MFHAS1: variants seen among roughly 807,000 people sequenced by gnomAD.
MFHAS1 encodes the protein malignant fibrous histiocytoma-amplified sequence 1.
MFHAS1 carries 50 observed loss-of-function variants against 70.4 expected under a neutral mutation model. That is an observed-to-expected ratio of 0.71 (90% CI 0.57 to 0.90). The LOEUF (loss-of-function observed/expected upper bound fraction) is 0.90. Among genes scored for constraint, MFHAS1 ranks in the 40% least tolerant of loss-of-function variants. MFHAS1 has a pLI of 0.00. For missense variants in MFHAS1, 1,795 were observed against 1,347.6 expected (o/e 1.33, Z -5.20); for synonymous variants, 952 against 620.0 (o/e 1.54, Z -7.96).
intron 2 of MFHAS1, among the ~76,000 whole-genome samples, chr8:8,793,625 C>G (rs941487753): frequency 6.6e-6 from 1 of 152,250 alleles, no homozygotes; most frequent in African/African-American, 2.4e-5. Flanking sequence ...GATATGTTCA[C>G]CTTACCTGAG....
chr8:8,844,003 G>A (rs796207156), intron 1 of MFHAS1, among the ~76,000 whole-genome samples: 8 of 152,284 alleles, frequency 5.3e-5, no homozygotes, highest in African/African-American at 1.4e-4. Context: ...TGTTCTCTGG[G>A]ACTCTACCTA....
chr8:8,887,961 A>G (rs1809834084), intron 1 of MFHAS1, among the ~76,000 whole-genome samples: 1 of 152,038 alleles, frequency 6.6e-6, no homozygotes, highest in African/African-American at 2.4e-5. Flanking sequence ...TTTGTTGTTA[A>G]TAACATTCGT....
chr8:8,892,625 T>C lies in MFHAS1; in HGVS notation c.434A>G (p.Asn145Ser). ...CTGGGCGGGCAGGGCGGGCAGCTGG[T>C]TGTGGCTGAGGTTGAGCTTCCGCAG... The part of the protein sequence containing the change: ...RELRKLNLSH[N>S]QLPALPAQLG... The change falls in exon 1 of 3, where the codon AAC becomes AGC. Residue 145 changes from asparagine to serine, a missense_variant. Transcript: ENST00000276282. This position sits in a 1 kb window ranked among gnomAD's most constrained non-coding sequence, Gnocchi z 4.7. 6.2e-7 allele frequency: 1 copy of C among 1,606,460 alleles called. No homozygotes were observed. The highest frequency in any genetic ancestry group is 8.5e-7 in the Non-Finnish European group (1 of 1,177,132).
At chr8:8,856,275 G>C (rs1160684946) in intron 1 of MFHAS1, among the ~76,000 whole-genome samples, 1 of 152,218 alleles carries the variant, frequency 6.6e-6, no homozygotes, top group Non-Finnish European at 1.5e-5. Context: ...CAGTGCTGGA[G>C]AGATCTGTCC....
At chr8:8,804,052 G>C (rs527822748) in intron 1 of MFHAS1, among the ~76,000 whole-genome samples, 4 of 152,296 alleles carry the variant, frequency 2.6e-5, no homozygotes, top group Admixed American at 6.5e-5. Context: ...CTGGATATCA[G>C]GGACTTGAGC....
At chr8:8,828,341 T>A (rs1377659445) in intron 1 of MFHAS1, among the ~76,000 whole-genome samples, 1 of 152,216 alleles carries the variant, frequency 6.6e-6, no homozygotes, top group Non-Finnish European at 1.5e-5. Flanking sequence ...ATCAAAGCCA[T>A]CAAATACAGA....
At chr8:8,882,011 T>C (rs1001498039) in intron 1 of MFHAS1, among the ~76,000 whole-genome samples, 1 of 152,124 alleles carries the variant, frequency 6.6e-6, no homozygotes, top group African/African-American at 2.4e-5. Flanking sequence ...GCGGTAGATA[T>C]GGAAGGCAGG....
intron 1 of MFHAS1, among the ~76,000 whole-genome samples, chr8:8,869,395 T>C (rs1808983376): frequency 6.6e-6 from 1 of 152,198 alleles, no homozygotes; most frequent in Non-Finnish European, 1.5e-5. Flanking sequence ...TAATTCATCA[T>C]GCCAAGCACG....
Position 8,785,003 on chromosome 8 carries a change from T to G in MFHAS1, c.*1019A>C, listed in dbSNP as rs1173832770. The G allele has an allele frequency of 6.6e-6, 1 of 152,178 alleles. No individual in the cohort carries two copies. Among genetic ancestry groups the G allele is most frequent in the Non-Finnish European group, 1.5e-5 (1 of 68,036 alleles). The allele number at this position is 152,178 out of a possible 1,614,324, so 9.4% of individuals were successfully genotyped here. A position where few individuals can be genotyped will look rare whatever the true frequency, so the allele number is the denominator to read the frequency against. On this transcript the variant is annotated 3_prime_UTR_variant, in exon 3 of 3. Transcript: ENST00000276282. ...AGCCTAAATTCACAACCTTAAGATC[T>G]GACAGCCAGATGTGGAAGGTCTACA...
chr8:8,785,938 G>T lies in MFHAS1; in HGVS notation c.*84C>A. On this transcript the variant is annotated 3_prime_UTR_variant, in exon 3 of 3. Coordinates refer to ENST00000276282, the MANE Select transcript of MFHAS1 (RefSeq NM_004225.3). ...AAGTTCACAGAACACGCTGGGGTGAGTGCAGAGGGTCTGCCAGGTGCAAAA... is the reference window on the plus strand; with the variant it reads ...AAGTTCACAGAACACGCTGGGGTGATTGCAGAGGGTCTGCCAGGTGCAAAA... The T allele has an allele frequency of 1.4e-6, 2 of 1,412,902 alleles. No homozygotes were observed. Among genetic ancestry groups the T allele is most frequent in the Non-Finnish European group, 2.0e-6 (2 of 998,488 alleles). The allele number at this position is 1,412,902 out of a possible 1,614,324, so 87.5% of individuals were successfully genotyped here.
intron 1 of MFHAS1, among the ~76,000 whole-genome samples, chr8:8,814,328 T>C (rs10088487): frequency 0.21 from 31,911 of 152,142 alleles, 5,478 homozygotes; most frequent in African/African-American, 0.47. Flanking sequence ...ATGGTCACAA[T>C]ATTCAGTACA....
intron 1 of MFHAS1, among the ~76,000 whole-genome samples, chr8:8,844,831 A>T (rs1316497008): frequency 6.6e-6 from 1 of 152,228 alleles, no homozygotes; most frequent in Non-Finnish European, 1.5e-5. Context: ...TGTCTGGCAC[A>T]GAGGCCATAA....
intron 1 of MFHAS1, among the ~76,000 whole-genome samples, chr8:8,880,456 G>A (rs1809474818): frequency 1.3e-5 from 2 of 152,142 alleles, no homozygotes; most frequent in African/African-American, 4.8e-5. Context: ...AAGAAAAGCA[G>A]CATCAGTCAT....
At chr8:8,819,856 G>C (rs2117300157) in intron 1 of MFHAS1, among the ~76,000 whole-genome samples, 1 of 152,078 alleles carries the variant, frequency 6.6e-6, no homozygotes, top group Middle Eastern at 3.4e-3. Context: ...GCACCACCAT[G>C]CCCAGCTGAC....
chr8:8,837,762 A>T (rs1400339568), intron 1 of MFHAS1, among the ~76,000 whole-genome samples: 1 of 152,192 alleles, frequency 6.6e-6, no homozygotes, highest in Non-Finnish European at 1.5e-5. Flanking sequence ...CTATTAAAAA[A>T]ATAAATAAAT....
At chr8:8,815,719 T>C (rs183697580) in intron 1 of MFHAS1, among the ~76,000 whole-genome samples, 41 of 152,306 alleles carry the variant, frequency 2.7e-4, no homozygotes, top group African/African-American at 9.9e-4. Context: ...GTGGGGGAAC[T>C]GGAACTCTCC....
chr8:8,822,967 G>A (rs57312668), intron 1 of MFHAS1, among the ~76,000 whole-genome samples: 66,339 of 151,924 alleles, frequency 0.44, 16,066 homozygotes, highest in East Asian at 0.77. Flanking sequence ...CGGGAAGGGA[G>A]GGTAACAGAG....
At chr8:8,819,650 G>C (rs986475346) in intron 1 of MFHAS1, among the ~76,000 whole-genome samples, 102 of 149,196 alleles carry the variant, frequency 6.8e-4, no homozygotes, top group African/African-American at 2.3e-3. Flanking sequence ...TCTGGCCAAA[G>C]TGGCTGCCTC....
chr8:8,810,416 G>C (rs1388766344), intron 1 of MFHAS1, among the ~76,000 whole-genome samples: 1 of 152,122 alleles, frequency 6.6e-6, no homozygotes, highest in Non-Finnish European at 1.5e-5. Flanking sequence ...GAACAACAAA[G>C]GTTTGAACCA....
Sources: allele counts gnomAD v4.1 joint callset (sites outside exome capture counted in the v4.1 genomes callset), GRCh38; gene constraint gnomAD v4.1.1; non-coding constraint Gnocchi (gnomAD v3.1); transcripts MANE v1.5; gene names NCBI Gene and HGNC (gene_info 2026-07-23, HGNC 2026-07-21).